Variants in GRID2 observed in about 807,000 individuals in gnomAD.
GRID2 encodes glutamate receptor ionotropic, delta-2.
Under a neutral mutation model 114.8 loss-of-function variants are expected in GRID2, and 33 were observed. The observed-to-expected ratio is 0.29, with a 90% CI of 0.22 to 0.38. GRID2 has a LOEUF of 0.38. Ranked by LOEUF, GRID2 falls within the 10% of genes least tolerant of loss-of-function variation. The pLI is 1.00. For missense variants in GRID2, 1,184 were observed against 1,257.7 expected (o/e 0.94, Z 0.89); for synonymous variants, 505 against 449.9 (o/e 1.12, Z -1.55).
At chr4:93,101,090 C>T (rs1197807497) in intron 3 of GRID2, among the ~76,000 whole-genome samples, 2 of 151,976 alleles carry the variant, frequency 1.3e-5, no homozygotes, top group African/African-American at 4.8e-5. Flanking sequence ...GTGCTTGGCA[C>T]ATGGTAAGCA....
chr4:92,920,384 G>A (rs908992410), intron 2 of GRID2, among the ~76,000 whole-genome samples: 2 of 152,106 alleles, frequency 1.3e-5, no homozygotes, highest in Non-Finnish European at 1.5e-5. Flanking sequence ...ATTTGATCCT[G>A]TCATTATGAT....
At chr4:92,587,943 A>G (rs529996421) in intron 1 of GRID2, among the ~76,000 whole-genome samples, 3 of 152,360 alleles carry the variant, frequency 2.0e-5, no homozygotes, top group Middle Eastern at 6.8e-3. Flanking sequence ...AGAACCCACG[A>G]CAACTTGAAA....
intron 1 of GRID2, among the ~76,000 whole-genome samples, chr4:92,482,020 A>ATATATG (rs2149105548): frequency 1.4e-5 from 1 of 70,922 alleles, no homozygotes; most frequent in East Asian, 3.1e-4. Context: ...ATATATATAT[A>ATATATG]TATATATATA....
chr4:93,760,735 A>G (rs961173524), intron 14 of GRID2, among the ~76,000 whole-genome samples: 2 of 152,158 alleles, frequency 1.3e-5, no homozygotes, highest in East Asian at 1.9e-4. Flanking sequence ...ATTAAAAACC[A>G]TTTTCATATC....
intron 8 of GRID2, among the ~76,000 whole-genome samples, chr4:93,271,259 A>C (rs1480855525): frequency 1.3e-5 from 2 of 152,164 alleles, no homozygotes; most frequent in African/African-American, 2.4e-5. Context: ...AACTGGTAGA[A>C]TAAATATGAA....
intron 2 of GRID2, among the ~76,000 whole-genome samples, chr4:92,875,198 G>C (rs549036712): frequency 8.0e-5 from 9 of 112,914 alleles, no homozygotes; most frequent in African/African-American, 3.1e-4. Context: ...GTCTCACACT[G>C]TTGCCCGGGT....
chr4:92,911,055 A>T (rs1317239430), intron 2 of GRID2, among the ~76,000 whole-genome samples: 1 of 152,094 alleles, frequency 6.6e-6, no homozygotes, highest in African/African-American at 2.4e-5. Flanking sequence ...AATAGGACAA[A>T]TAATGAGACT....
rs1047036431 is a variant in GRID2 at position 92,647,874 on chromosome 4, T to G, written c.244+57588T>G. ...ATGTTCCTTATCTATAAATAGAAAT[T>G]AGTTGAATTAGACAGAATGGCCTAG... is the stretch of plus-strand genomic sequence containing the variant. On this transcript the variant is annotated intron_variant, in intron 2 of 15. Transcript: ENST00000282020. Among the ~76,000 whole-genome samples, 3 of 149,708 alleles carry G rather than the reference T, an allele frequency of 2.0e-5. 1 individual carries two copies. Among genetic ancestry groups the G allele is most frequent in the African/African-American group, 7.5e-5 (3 of 39,936 alleles).
At chr4:92,833,658 C>A (rs1468783434) in intron 2 of GRID2, 1 of 152,106 alleles carries the variant, frequency 6.6e-6, no homozygotes, top group Admixed American at 6.5e-5. Context: ...ATCTACCATA[C>A]CCTAAAATAT....
intron 4 of GRID2, among the ~76,000 whole-genome samples, chr4:93,153,720 C>G (rs1736927293): frequency 6.6e-6 from 1 of 152,042 alleles, no homozygotes; most frequent in African/African-American, 2.4e-5. Flanking sequence ...GAAGAGCCAT[C>G]CTGGAGAATT....
chr4:92,678,318 C>A (rs1050521725), intron 2 of GRID2, among the ~76,000 whole-genome samples: 6 of 152,026 alleles, frequency 3.9e-5, no homozygotes, highest in African/African-American at 1.4e-4. Context: ...TCGATAAGGG[C>A]AGGATTTTTT....
intron 2 of GRID2, among the ~76,000 whole-genome samples, chr4:92,725,375 A>G (rs1579921574): frequency 6.6e-6 from 1 of 152,184 alleles, no homozygotes; most frequent in Non-Finnish European, 1.5e-5. Context: ...TTATTATTTC[A>G]GTTTTCACAA....
intron 1 of GRID2, among the ~76,000 whole-genome samples, chr4:92,552,561 T>C (rs1726645897): frequency 1.3e-5 from 2 of 152,104 alleles, no homozygotes; most frequent in South Asian, 2.1e-4. Context: ...AGAGAAGAGA[T>C]GGAAACTAAT....
intron 8 of GRID2, among the ~76,000 whole-genome samples, chr4:93,274,358 T>G (rs1019654802): frequency 7.2e-5 from 11 of 152,136 alleles, no homozygotes; most frequent in Admixed American, 7.2e-4. Flanking sequence ...CTTTACACTT[T>G]CTGTCCTACA....
At chr4:93,630,568 T>C (rs1017734401) in intron 14 of GRID2, among the ~76,000 whole-genome samples, 4 of 152,208 alleles carry the variant, frequency 2.6e-5, no homozygotes, top group African/African-American at 9.6e-5. Context: ...ATTTTGCTTA[T>C]TGGCTTCTAG....
At chr4:92,361,589 G>A (rs1728621473) in intron 1 of GRID2, among the ~76,000 whole-genome samples, 1 of 151,964 alleles carries the variant, frequency 6.6e-6, no homozygotes, top group Non-Finnish European at 1.5e-5. Context: ...AGAAAACAGG[G>A]CTGCTGTAGC....
chr4:92,881,483 G>GA (rs1235926763), intron 2 of GRID2, among the ~76,000 whole-genome samples: 1 of 152,030 alleles, frequency 6.6e-6, no homozygotes, highest in African/African-American at 2.4e-5. Context: ...AAAGACAAAA[G>GA]AAAAAATATT....
intron 8 of GRID2, among the ~76,000 whole-genome samples, chr4:93,392,424 T>A (rs1312965409): frequency 6.6e-6 from 1 of 152,182 alleles, no homozygotes; most frequent in Non-Finnish European, 1.5e-5. Flanking sequence ...ATTCTTGCTA[T>A]GCAATAAGAA....
chr4:93,519,744 TG>T (rs1730145184), intron 13 of GRID2, among the ~76,000 whole-genome samples: 1 of 152,204 alleles, frequency 6.6e-6, no homozygotes, highest in Admixed American at 6.5e-5. Flanking sequence ...TCCAAGGGGA[TG>T]TACACTCAAA....
Sources: allele counts gnomAD v4.1 joint callset (sites outside exome capture counted in the v4.1 genomes callset), GRCh38; gene constraint gnomAD v4.1.1; transcripts MANE v1.5; gene names NCBI Gene and HGNC (gene_info 2026-07-23, HGNC 2026-07-21).